Variants in NLGN1 observed in about 807,000 individuals in gnomAD.
The protein encoded by NLGN1 is neuroligin-1.
NLGN1 carries 12 observed loss-of-function variants against 65.5 expected under a neutral mutation model. That is an observed-to-expected ratio of 0.18 (90% CI 0.12 to 0.30). The LOEUF (loss-of-function observed/expected upper bound fraction) is 0.30, where lower values mean the gene tolerates loss of function less well. NLGN1 is among the 10% of genes least tolerant of loss of function. NLGN1 has a pLI of 1.00. For synonymous variants in NLGN1, 350 were observed against 359.5 expected (o/e 0.97, Z 0.30); for missense variants, 750 against 1,007.1 (o/e 0.74, Z 3.46).
chr3:173,696,602 A>T (rs1766254431), intron 3 of NLGN1, among the ~76,000 whole-genome samples: 1 of 152,120 alleles, frequency 6.6e-6, no homozygotes, highest in Non-Finnish European at 1.5e-5. Flanking sequence ...ATTTCTAGAA[A>T]ATGGAAGAGA....
At chr3:173,808,887 A>G (rs1371137924) in intron 4 of NLGN1, among the ~76,000 whole-genome samples, 2 of 152,114 alleles carry the variant, frequency 1.3e-5, no homozygotes, top group Non-Finnish European at 2.9e-5. Flanking sequence ...TGAGAATCAG[A>G]ATTTTTCCCC....
intron 3 of NLGN1, among the ~76,000 whole-genome samples, chr3:173,791,689 A>G (rs1712798488): frequency 6.6e-6 from 1 of 152,034 alleles, no homozygotes; most frequent in Non-Finnish European, 1.5e-5. Context: ...AAACAGGTCT[A>G]TGCTACACCC....
chr3:174,103,854 T>G (rs1322550077), intron 4 of NLGN1, among the ~76,000 whole-genome samples: 1 of 152,016 alleles, frequency 6.6e-6, no homozygotes, highest in Non-Finnish European at 1.5e-5. Flanking sequence ...CATATAAAAT[T>G]TTTTTCTTTA....
At chr3:173,404,512 C>A (rs935054277) in intron 1 of NLGN1, among the ~76,000 whole-genome samples, 1 of 152,086 alleles carries the variant, frequency 6.6e-6, no homozygotes, top group African/African-American at 2.4e-5. Context: ...TTAGTAACTC[C>A]ATCTGTGTTT....
chr3:174,195,266 T>C (rs1733195182), intron 4 of NLGN1, among the ~76,000 whole-genome samples: 1 of 152,212 alleles, frequency 6.6e-6, no homozygotes, highest in Non-Finnish European at 1.5e-5. Flanking sequence ...TGAAGAGTTA[T>C]GTTCAAAATA....
chr3:173,784,256 T>C (rs1781615438), intron 3 of NLGN1, among the ~76,000 whole-genome samples: 1 of 152,158 alleles, frequency 6.6e-6, no homozygotes, highest in Non-Finnish European at 1.5e-5. Flanking sequence ...CAACAGAATA[T>C]GTTGAAAAGT....
intron 4 of NLGN1, among the ~76,000 whole-genome samples, chr3:173,992,994 A>T (rs1285535649): frequency 6.6e-6 from 1 of 152,192 alleles, no homozygotes; most frequent in Non-Finnish European, 1.5e-5. Flanking sequence ...GTGGCGTAAT[A>T]GTACAAGAGG....
At chr3:174,057,820 G>A (rs190528367) in intron 4 of NLGN1, 2 of 152,042 alleles carry the variant, frequency 1.3e-5, no homozygotes, top group Admixed American at 6.6e-5. Context: ...TGAATTCTAT[G>A]TGTATAATTT....
intron 4 of NLGN1, among the ~76,000 whole-genome samples, chr3:174,043,454 G>C (rs909474547): frequency 2.6e-5 from 4 of 152,194 alleles, no homozygotes; most frequent in Admixed American, 2.0e-4. Flanking sequence ...ATACAATAGG[G>C]GTACAGGCAT....
chr3:173,946,329 T>C (rs1325852367), intron 4 of NLGN1, among the ~76,000 whole-genome samples: 1 of 152,148 alleles, frequency 6.6e-6, no homozygotes, highest in Non-Finnish European at 1.5e-5. Context: ...TGTGTGTGTA[T>C]GTGTGTGTGT....
chr3:173,879,638 GTTTT>G (rs397877454), intron 4 of NLGN1, among the ~76,000 whole-genome samples: 1 of 141,976 alleles, frequency 7.0e-6, no homozygotes, highest in African/African-American at 2.7e-5. Flanking sequence ...TTTTCTGTGT[GTTTT>G]TTTTTTTATC....
At chr3:173,578,162 G>A (rs1745817088) in intron 2 of NLGN1, among the ~76,000 whole-genome samples, 1 of 151,518 alleles carries the variant, frequency 6.6e-6, no homozygotes, top group Non-Finnish European at 1.5e-5. Context: ...CATGAACCCG[G>A]GAGGCGGAGT....
rs1366306439 is a variant in NLGN1 at position 174,279,408 on chromosome 3, T to G, written c.1407T>G (p.Ala469=). 6.2e-7 allele frequency: 1 copy of G among 1,613,334 alleles called. No homozygotes were observed. Among genetic ancestry groups the G allele is most frequent in the Non-Finnish European group, 8.5e-7 (1 of 1,179,564 alleles). ...CGGACCATCAGTGGGTGGCACCAGC[T>G]GTAGCCACAGCGGATCTTCACTCAA... The change falls in exon 6 of 7, where the codon GCT becomes GCG. Residue 469 remains alanine (A), a synonymous_variant. Coordinates refer to ENST00000457714, the Ensembl canonical transcript of NLGN1. The surrounding 1 kb of genome is among the most constrained non-coding windows in gnomAD (Gnocchi z 4.7).
chr3:173,870,927 G>C (rs1188213493), intron 4 of NLGN1, among the ~76,000 whole-genome samples: 1 of 152,148 alleles, frequency 6.6e-6, no homozygotes, highest in Non-Finnish European at 1.5e-5. Flanking sequence ...GTGATATGAG[G>C]GTCCTTTGTT....
At chr3:173,925,414 A>G (rs1742820068) in intron 4 of NLGN1, among the ~76,000 whole-genome samples, 1 of 152,196 alleles carries the variant, frequency 6.6e-6, no homozygotes, top group Non-Finnish European at 1.5e-5. Context: ...ATAAGAGAAG[A>G]ATATACCACT....
At chr3:173,636,164 C>T (rs576884605) in intron 3 of NLGN1, among the ~76,000 whole-genome samples, 9 of 152,000 alleles carry the variant, frequency 5.9e-5, no homozygotes, top group Non-Finnish European at 1.2e-4. Context: ...AATTAGTTGG[C>T]GAAAGAGGAA....
intron 2 of NLGN1, among the ~76,000 whole-genome samples, chr3:173,510,910 A>C (rs1732839326): frequency 6.6e-6 from 1 of 152,228 alleles, no homozygotes; most frequent in East Asian, 1.9e-4. Context: ...AGATTATTAC[A>C]AATTCGCGAG....
At chr3:173,764,230 T>A (rs1287217725) in intron 3 of NLGN1, among the ~76,000 whole-genome samples, 1 of 152,076 alleles carries the variant, frequency 6.6e-6, no homozygotes, top group African/African-American at 2.4e-5. Flanking sequence ...AGGTCAAAAC[T>A]GGAATGTGGT....
At chr3:174,055,084 C>T (rs1580030992) in intron 4 of NLGN1, among the ~76,000 whole-genome samples, 2 of 151,716 alleles carry the variant, frequency 1.3e-5, no homozygotes, top group African/African-American at 2.4e-5. Flanking sequence ...TATATCACAG[C>T]ACCTATTGCC....
Sources: allele counts gnomAD v4.1 joint callset (sites outside exome capture counted in the v4.1 genomes callset), GRCh38; gene constraint gnomAD v4.1.1; non-coding constraint Gnocchi (gnomAD v3.1); transcripts MANE v1.5; gene names NCBI Gene and HGNC (gene_info 2026-07-23, HGNC 2026-07-21).